IGSF5: variants seen among roughly 807,000 people sequenced by gnomAD.
The protein encoded by IGSF5 is immunoglobulin superfamily 5 like.
IGSF5 carries 41 observed loss-of-function variants against 39.4 expected under a neutral mutation model. That is an observed-to-expected ratio of 1.04 (90% CI 0.81 to 1.35). The LOEUF (loss-of-function observed/expected upper bound fraction) is 1.35, where lower values mean the gene tolerates loss of function less well. Among genes scored for constraint, IGSF5 ranks in the 40% most tolerant of loss-of-function variants. The pLI is 0.00. For synonymous variants in IGSF5, 183 were observed against 175.3 expected, an observed-to-expected ratio of 1.04 and a Z score of -0.34; for missense variants, 487 against 494.6, an observed-to-expected ratio of 0.98 and a Z score of 0.15.
intron 2 of IGSF5, among the ~76,000 whole-genome samples, chr21:39,746,869 G>A (rs2079977967): frequency 6.6e-6 from 1 of 152,172 alleles, no homozygotes; most frequent in Admixed American, 6.5e-5. Flanking sequence ...CTTCAAGTGA[G>A]TAAAACATTC....
chr21:39,796,928 G>A (rs2146296560), intron 8 of IGSF5, among the ~76,000 whole-genome samples: 1 of 152,320 alleles, frequency 6.6e-6, no homozygotes, highest in South Asian at 2.1e-4. Context: ...TCGCAGAACA[G>A]GATAGTTTTG....
In IGSF5 at chr21:39,791,991, A is replaced by T. The variant is rs769236233; in HGVS notation, c.957-17A>T. ...AATGCCAACAATTAACATGAACATA[A>T]AATGGTCTAATTGTAGGAAATCTGA... On this transcript the variant is annotated splice_polypyrimidine_tract_variant and intron_variant, in intron 6 of 8. Transcript: ENST00000380588. 2 of 1,547,236 alleles carry T rather than the reference A, an allele frequency of 1.3e-6. No individual in the cohort carries two copies. Among genetic ancestry groups the T allele is most frequent in the Admixed American group, 3.5e-5 (2 of 57,820 alleles).
intron 1 of IGSF5, among the ~76,000 whole-genome samples, chr21:39,745,733 T>C (rs2079970835): frequency 6.6e-6 from 1 of 152,130 alleles, no homozygotes; most frequent in African/African-American, 2.4e-5. Context: ...AGAAAGCCCT[T>C]CCCCAGATAG....
At chr21:39,740,284 T>A (rs2146265312), upstream of IGSF5, among the ~76,000 whole-genome samples, 1 of 152,314 alleles carries the variant, frequency 6.6e-6, no homozygotes, top group Non-Finnish European at 1.5e-5. Context: ...TCCTTTCTAT[T>A]TCCCTTTCCT....
intron 5 of IGSF5, 25 bp downstream of exon 5, chr21:39,779,330 T>A: frequency 6.2e-7 from 1 of 1,604,120 alleles, no homozygotes; most frequent in Non-Finnish European, 8.5e-7. Flanking sequence ...CATTTACATT[T>A]GTACATACTT....
At chr21:39,788,567 G>T (rs550886466) in intron 6 of IGSF5, among the ~76,000 whole-genome samples, 1 of 152,358 alleles carries the variant, frequency 6.6e-6, no homozygotes, top group East Asian at 1.9e-4. Context: ...GAATTTCTGG[G>T]ATAGTGGAGA....
At chr21:39,735,062 G>C in the IGSF5 span, among the ~76,000 whole-genome samples, 2 of 152,022 alleles carry the variant, frequency 1.3e-5, no homozygotes, top group African/African-American at 4.8e-5. Flanking sequence ...TGGGGTTTCA[G>C]TATGTTGGCC....
intron 3 of IGSF5, among the ~76,000 whole-genome samples, chr21:39,769,399 G>A (rs543201546): frequency 2.5e-4 from 37 of 150,872 alleles, no homozygotes; most frequent in Admixed American, 1.1e-3. Context: ...CTTGGGAGGC[G>A]GAGGTTGCCG....
At chr21:39,723,119 C>T in the IGSF5 span, among the ~76,000 whole-genome samples, 4 of 152,124 alleles carry the variant, frequency 2.6e-5, no homozygotes, top group African/African-American at 9.7e-5. Context: ...ACTTGTTGGT[C>T]CTTTGTTCAG....
upstream of IGSF5, among the ~76,000 whole-genome samples, chr21:39,741,808 C>T (rs962258990): frequency 6.6e-6 from 1 of 152,124 alleles, no homozygotes; most frequent in East Asian, 1.9e-4. Flanking sequence ...TCTGCTTCCT[C>T]TGGTATTTGG....
intron 3 of IGSF5, among the ~76,000 whole-genome samples, chr21:39,769,789 T>G (rs1224730075): frequency 6.6e-6 from 1 of 152,114 alleles, no homozygotes; most frequent in Admixed American, 6.5e-5. Context: ...ATGTAATAAA[T>G]TATTATTTTA....
At chr21:39,739,252 C>CTT in the IGSF5 span, among the ~76,000 whole-genome samples, 9 of 142,010 alleles carry the variant, frequency 6.3e-5, no homozygotes, top group African/African-American at 1.8e-4. Context: ...TTTTCTTCTG[C>CTT]TTTTTTTTTT....
At chr21:39,748,194 G>T (rs1246059314) in intron 2 of IGSF5, among the ~76,000 whole-genome samples, 2 of 151,332 alleles carry the variant, frequency 1.3e-5, no homozygotes, top group African/African-American at 4.8e-5. Flanking sequence ...TGCCAGCAGA[G>T]TCAGCGTCTT....
At chr21:39,780,072 T>C (rs951585828) in intron 5 of IGSF5, among the ~76,000 whole-genome samples, 4 of 152,238 alleles carry the variant, frequency 2.6e-5, no homozygotes, top group African/African-American at 9.6e-5. Context: ...AAAATAGCGA[T>C]GAATATGTGA....
At chr21:39,738,442 T>TG in the IGSF5 span, among the ~76,000 whole-genome samples, 1 of 151,988 alleles carries the variant, frequency 6.6e-6, no homozygotes, top group Non-Finnish European at 1.5e-5. The surrounding 1 kb of genome is among the most constrained non-coding windows in gnomAD (Gnocchi z 6.4). Context: ...GAGATTTAGG[T>TG]GGGGACACAG....
At chr21:39,790,688 A>T (rs751831941) in intron 6 of IGSF5, among the ~76,000 whole-genome samples, 2 of 152,176 alleles carry the variant, frequency 1.3e-5, no homozygotes, top group Non-Finnish European at 2.9e-5. Context: ...GTCAAAAAAC[A>T]ACTACTCTGA....
chr21:39,787,152 A>T (rs565322632), intron 5 of IGSF5, among the ~76,000 whole-genome samples: 1 of 152,302 alleles, frequency 6.6e-6, no homozygotes, highest in South Asian at 2.1e-4. Context: ...GACAAATGGG[A>T]TCTAATTAAG....
In IGSF5 at chr21:39,778,533, A is replaced by G. The variant is rs891948419; in HGVS notation, c.719-557A>G. 7.2e-5 allele frequency among the ~76,000 whole-genome samples: 11 copies of G among 152,178 alleles called. 1 individual carries two copies. The highest frequency in any genetic ancestry group is 7.2e-4 in the Admixed American group (11 of 15,286). On this transcript the variant is annotated intron_variant, in intron 4 of 8. Transcript: ENST00000380588. ...CTCCTGAAAAGCTATGGAAAAAGCA[A>G]TTGCTGTGTGAGGAATTAATTTGAG...
At chr21:39,768,491 A>G (rs2080097481) in intron 3 of IGSF5, among the ~76,000 whole-genome samples, 2 of 152,210 alleles carry the variant, frequency 1.3e-5, no homozygotes, top group African/African-American at 2.4e-5. Context: ...TCCCAAGTGT[A>G]TACAGAAAAA....
Sources: gnomAD v4.1 joint callset for allele counts (sites outside exome capture counted in the v4.1 genomes callset) on GRCh38, gnomAD v4.1.1 for gene constraint, Gnocchi (gnomAD v3.1) non-coding constraint, MANE v1.5 for transcripts, NCBI Gene and HGNC (gene_info 2026-07-23, HGNC 2026-07-21) for gene names.